Variants in OIT3 observed in about 807,000 individuals in gnomAD.
OIT3 encodes the protein oncoprotein-induced transcript 3 protein.
Under a neutral mutation model 52.2 loss-of-function variants are expected in OIT3, and 41 were observed. The ratio of observed to expected loss-of-function variants is 0.79; its 90% confidence interval spans 0.61 to 1.02. The LOEUF (loss-of-function observed/expected upper bound fraction) is 1.02, where lower values mean the gene tolerates loss of function less well. Ranked by LOEUF, OIT3 falls within the 50% of genes least tolerant of loss-of-function variation. OIT3 has a pLI of 0.00. For synonymous variants in OIT3, 244 were observed against 276.9 expected (o/e 0.88, Z 1.18); for missense variants, 634 against 715.5 (o/e 0.89, Z 1.30).
intron 3 of OIT3, among the ~76,000 whole-genome samples, chr10:72,903,701 G>A (rs1362668398): frequency 6.6e-6 from 1 of 152,064 alleles, no homozygotes; most frequent in Admixed American, 6.5e-5. Context: ...ACAATAGATA[G>A]CATTGTTTTG....
intron 6 of OIT3, among the ~76,000 whole-genome samples, chr10:72,916,249 T>C (rs897961611): frequency 2.0e-5 from 3 of 152,116 alleles, no homozygotes; most frequent in Non-Finnish European, 4.4e-5. Context: ...TGGGGGTTGG[T>C]TATACAGATT....
rs1469783086 is a variant in OIT3, at chr10:72,932,533, C to T, written c.*9C>T. ...TCGACTGGGAGGACTAGTTCGTAGC[C>T]ATACCTCGAGTCCCTGCATTGGACG... On this transcript the variant is annotated 3_prime_UTR_variant, in exon 9 of 9. Coordinates refer to ENST00000334011, the MANE Select transcript of OIT3 (RefSeq NM_152635.3). 6.3e-7 allele frequency: 1 copy of T among 1,586,822 alleles called. No homozygotes were observed. Among genetic ancestry groups the T allele is most frequent in the Non-Finnish European group, 8.6e-7 (1 of 1,166,312 alleles).
intron 3 of OIT3, among the ~76,000 whole-genome samples, chr10:72,903,156 A>G (rs1197449569): frequency 6.6e-6 from 1 of 152,214 alleles, no homozygotes; most frequent in Non-Finnish European, 1.5e-5. Flanking sequence ...GGCAGCATAC[A>G]AGAAAATAAT....
intron 6 of OIT3, among the ~76,000 whole-genome samples, chr10:72,918,895 G>C (rs949618339): frequency 1.3e-5 from 2 of 152,196 alleles, no homozygotes. Context: ...ATAATTTGAA[G>C]TTGGGTAGCA....
chr10:72,923,409 G>T (rs1700939532), intron 6 of OIT3, among the ~76,000 whole-genome samples: 1 of 152,058 alleles, frequency 6.6e-6, no homozygotes, highest in African/African-American at 2.4e-5. Flanking sequence ...GGAGACCCCA[G>T]TTGGGAGGTC....
intron 6 of OIT3, among the ~76,000 whole-genome samples, chr10:72,921,267 G>T (rs1334409818): frequency 6.6e-6 from 1 of 152,150 alleles, no homozygotes; most frequent in East Asian, 1.9e-4. Flanking sequence ...TTTTCCATGT[G>T]CTTGATAAGT....
chr10:72,924,563 T>A lies in OIT3; in HGVS notation c.1286T>A (p.Leu429Ter). Residue 429 changes from leucine (L) to a stop codon, truncating the protein, a stop_gained, in exon 7 of 9, where the codon TTG (leucine) becomes TAG (stop). Transcript: ENST00000334011. LOFTEE classifies it high-confidence loss of function. ...GAGCCCGTGGTGCACGTGAGCGGCT[T>A]GGAAAGCTTGGTGGAGAGCTGCTTT... ...GIEPVVHVSG[L>*]ESLVESCFAT... 1 of 1,614,104 alleles carries A rather than the reference T, an allele frequency of 6.2e-7. No individual in the cohort carries two copies. The highest frequency in any genetic ancestry group is 8.5e-7 in the Non-Finnish European group (1 of 1,180,022).
intron 6 of OIT3, chr10:72,918,623 C>T (rs1300383802): frequency 1.9e-5 from 13 of 689,128 alleles, no homozygotes; most frequent in Non-Finnish European, 3.4e-5. Flanking sequence ...GACAGAATCA[C>T]ACCAGGGTAC....
chr10:72,924,454 A>G lies in OIT3; in HGVS notation c.1177A>G (p.Ile393Val). The G allele has an allele frequency of 6.2e-7, 1 of 1,614,008 alleles. No individual in the cohort carries two copies. Among genetic ancestry groups the G allele is most frequent in the Non-Finnish European group, 8.5e-7 (1 of 1,179,958 alleles). The stretch of plus-strand genomic sequence containing the variant: ...TGGGATCTTCCCATTCACTCTGGAG[A>G]TCTTCAAGGACAATGAGTTTGAAGA... Reference protein sequence around the residue: ...NHGIFPFTLEIFKDNEFEEPY... With the variant: ...NHGIFPFTLEVFKDNEFEEPY... Residue 393 changes from isoleucine to valine, a missense_variant, in exon 7 of 9, where the codon ATC becomes GTC. Physicochemically the swap from Ile to Val is conservative, Grantham distance 29 (BLOSUM62 3). Transcript: ENST00000334011.
At chr10:72,905,232 A>G (rs1845968092) in intron 3 of OIT3, among the ~76,000 whole-genome samples, 1 of 152,174 alleles carries the variant, frequency 6.6e-6, no homozygotes, top group African/African-American at 2.4e-5. Context: ...GCACTTTGGG[A>G]GGCCAAGGCA....
chr10:72,929,233 A>G (rs981925216), intron 7 of OIT3, among the ~76,000 whole-genome samples: 3 of 150,610 alleles, frequency 2.0e-5, no homozygotes, highest in African/African-American at 7.5e-5. Context: ...AAAAGAAAAG[A>G]AAAAGAAGTG....
In OIT3 at chr10:72,926,093, A is replaced by G. The variant is rs141207114; in HGVS notation, c.1367+1449A>G. Among the ~76,000 whole-genome samples the G allele has an allele frequency of 7.2e-5, 11 of 152,246 alleles. No individual in the cohort carries two copies. In the East Asian group the frequency reaches 1.9e-3, roughly 27 times the overall value. On this transcript the variant is annotated intron_variant, in intron 7 of 8. Transcript: ENST00000334011. ...CTCATGGGCTTCTTCCTTGTTCTCC[A>G]TGTCAGGTGGGACACAGTCTCAGGT...
At chr10:72,894,255 A>G (rs984592241) in intron 1 of OIT3, among the ~76,000 whole-genome samples, 1 of 152,150 alleles carries the variant, frequency 6.6e-6, no homozygotes, top group Non-Finnish European at 1.5e-5. Context: ...CTCTGTTGCC[A>G]TGGGGGGCAC....
At chr10:72,906,476 G>C (rs1429306977) in intron 3 of OIT3, 120 bp from the exon 4 acceptor site, 1 of 1,049,718 alleles carries the variant, frequency 9.5e-7, no homozygotes, top group Non-Finnish European at 1.4e-6. Flanking sequence ...ATCAGAGGGG[G>C]AGCTGGATGG....
chr10:72,912,864 A>G (rs781717055), intron 5 of OIT3, among the ~76,000 whole-genome samples: 1 of 152,188 alleles, frequency 6.6e-6, no homozygotes, highest in Non-Finnish European at 1.5e-5. Flanking sequence ...TCCCAAGTGC[A>G]CTAACACTGT....
At chr10:72,900,266 G>A in intron 2 of OIT3, 111 bp from the exon 3 acceptor site, 1 of 651,564 alleles carries the variant, frequency 1.5e-6, no homozygotes, top group Non-Finnish European at 2.7e-6. Flanking sequence ...AGGCCAGCCT[G>A]GGCAACATAG....
intron 6 of OIT3, chr10:72,918,602 C>T (rs1589527833): frequency 2.6e-6 from 2 of 755,702 alleles, no homozygotes; most frequent in African/African-American, 1.7e-5. Flanking sequence ...CTCAAGAGAA[C>T]AGCCGCACAG....
chr10:72,932,562 C>G lies in OIT3; in HGVS notation c.*38C>G, dbSNP rs1564598340. On this transcript the variant is annotated 3_prime_UTR_variant, in exon 9 of 9. Coordinates refer to ENST00000334011, the MANE Select transcript of OIT3 (RefSeq NM_152635.3). ...CCTCGAGTCCCTGCATTGGACGGCTCTGCTCTTTGGAGCTTCTCCCCCCAC... is the reference window on the plus strand; with the variant it reads ...CCTCGAGTCCCTGCATTGGACGGCTGTGCTCTTTGGAGCTTCTCCCCCCAC... 6.5e-7 allele frequency: 1 copy of G among 1,536,892 alleles called. No homozygotes were observed. The highest frequency in any genetic ancestry group is 8.8e-7 in the Non-Finnish European group (1 of 1,139,914).
intron 6 of OIT3, among the ~76,000 whole-genome samples, chr10:72,915,019 C>A (rs1474252963): frequency 6.6e-6 from 1 of 152,132 alleles, no homozygotes; most frequent in Non-Finnish European, 1.5e-5. Flanking sequence ...GCATCTGCCA[C>A]CATGCCTGGC....
Sources: gnomAD v4.1 joint callset for allele counts (sites outside exome capture counted in the v4.1 genomes callset) on GRCh38, gnomAD v4.1.1 for gene constraint, MANE v1.5 for transcripts, NCBI Gene and HGNC (gene_info 2026-07-23, HGNC 2026-07-21) for gene names.